The following CNBD1 variants were observed in gnomAD, a reference collection of about 807,000 sequenced individuals.
CNBD1 encodes the protein cyclic nucleotide-binding domain-containing protein 1.
Under a neutral mutation model 54.4 loss-of-function variants are expected in CNBD1, and 71 were observed. That is an observed-to-expected ratio of 1.30 (90% CI 1.08 to 1.59). The LOEUF is 1.59. CNBD1 is among the 40% of genes most tolerant of loss of function. The pLI, the probability that CNBD1 is intolerant of heterozygous loss-of-function variation, is 0.00. For synonymous variants in CNBD1, 182 were observed against 170.7 expected (o/e 1.07, Z -0.51); for missense variants, 659 against 518.0 (o/e 1.27, Z -2.64).
chr8:87,282,495 A>G (rs1808618644), intron 6 of CNBD1, among the ~76,000 whole-genome samples: 1 of 151,760 alleles, frequency 6.6e-6, no homozygotes, highest in South Asian at 2.1e-4. Flanking sequence ...TCAAGTAAAT[A>G]AAGAATTCTG....
intron 8 of CNBD1, among the ~76,000 whole-genome samples, chr8:87,297,119 A>C (rs1311309986): frequency 6.9e-6 from 1 of 145,670 alleles, no homozygotes; most frequent in Non-Finnish European, 1.5e-5. Flanking sequence ...TGGAGCTTGC[A>C]GTGAGCCGAG....
chr8:87,250,774 A>T (rs1807899705), intron 6 of CNBD1, among the ~76,000 whole-genome samples: 1 of 152,296 alleles, frequency 6.6e-6, no homozygotes, highest in African/African-American at 2.4e-5. Context: ...TAAGAAAAAA[A>T]ACTGAACTCA....
chr8:86,881,345 A>G (rs1320204463), intron 1 of CNBD1, among the ~76,000 whole-genome samples: 1 of 152,178 alleles, frequency 6.6e-6, no homozygotes, highest in Non-Finnish European at 1.5e-5. Flanking sequence ...TCAATGTGCA[A>G]AAATTGCTAG....
intron 4 of CNBD1, among the ~76,000 whole-genome samples, chr8:87,023,297 G>C (rs1809528177): frequency 6.6e-6 from 1 of 152,030 alleles, no homozygotes; most frequent in Non-Finnish European, 1.5e-5. Context: ...CAGTTAACAA[G>C]TTAAGAATAA....
chr8:87,134,541 A>G (rs555646762), intron 4 of CNBD1, among the ~76,000 whole-genome samples: 126 of 151,170 alleles, frequency 8.3e-4, no homozygotes, highest in African/African-American at 2.8e-3. Context: ...ATTGTTCAGA[A>G]CTTATTGTAA....
At chr8:87,254,617 GAT>G (rs929732134) in intron 6 of CNBD1, among the ~76,000 whole-genome samples, 11 of 152,134 alleles carry the variant, frequency 7.2e-5, no homozygotes, top group African/African-American at 2.7e-4. Context: ...CTGTAACAAA[GAT>G]ATGGATAATT....
intron 4 of CNBD1, among the ~76,000 whole-genome samples, chr8:87,142,125 A>G (rs1433811822): frequency 1.3e-5 from 2 of 152,154 alleles, no homozygotes; most frequent in African/African-American, 4.8e-5. Context: ...GAAAGTAGAG[A>G]AGAGAGAAAA....
At chr8:87,238,304 A>T (rs1330387030) in intron 6 of CNBD1, among the ~76,000 whole-genome samples, 1 of 152,116 alleles carries the variant, frequency 6.6e-6, no homozygotes, top group East Asian at 1.9e-4. Flanking sequence ...CAAGAAACCA[A>T]TGTGGAAACT....
chr8:87,415,969 A>G (rs147526285), intron 2 of CNBD1, among the ~76,000 whole-genome samples: 1 of 150,612 alleles, frequency 6.6e-6, no homozygotes, highest in Non-Finnish European at 1.5e-5. Flanking sequence ...TAAAAAAATC[A>G]TATGGACATT....
intron 8 of CNBD1, among the ~76,000 whole-genome samples, chr8:87,332,036 C>A (rs975250616): frequency 3.3e-5 from 5 of 152,030 alleles, no homozygotes; most frequent in Non-Finnish European, 7.4e-5. Flanking sequence ...ATGATAGATT[C>A]TTTTGCTGTA....
intron 8 of CNBD1, among the ~76,000 whole-genome samples, chr8:87,301,437 A>G (rs2130882463): frequency 6.6e-6 from 1 of 152,046 alleles, no homozygotes; most frequent in South Asian, 2.1e-4. Context: ...CACAGATGCT[A>G]AAATCCTTAA....
In CNBD1 at chr8:87,217,211, A is replaced by G. The variant is rs557724284; in HGVS notation, c.577+11073A>G. Among the ~76,000 whole-genome samples, 114 of 152,286 alleles carry G rather than the reference A, an allele frequency of 7.5e-4. 1 individual carries two copies. The highest frequency in any genetic ancestry group is 1.1e-3 in the Non-Finnish European group (75 of 67,978). ...ATTTTAAAACTTAGAGCATTGAAAAATGTGATTATATGGCACATTATAAAT... is the reference window on the plus strand; with the variant it reads ...ATTTTAAAACTTAGAGCATTGAAAAGTGTGATTATATGGCACATTATAAAT... On this transcript the variant is annotated intron_variant, in intron 5 of 10. Coordinates refer to ENST00000518476, the MANE Select transcript of CNBD1 (RefSeq NM_173538.3).
At position 87,208,847 on chromosome 8, in the gene CNBD1, G is replaced by A. The variant is rs992430342; in HGVS notation, c.577+2709G>A. 6.8e-4 allele frequency among the ~76,000 whole-genome samples: 104 copies of A among 151,866 alleles called. 1 individual carries two copies. Among genetic ancestry groups the A allele is most frequent in the South Asian group, 2.1e-4 (1 of 4,804 alleles). ...TATGAGATTGTATCTCAAAAACTCCGTAATTCCTCATTTTCATTAAATTGT... is the reference window on the plus strand; with the variant it reads ...TATGAGATTGTATCTCAAAAACTCCATAATTCCTCATTTTCATTAAATTGT... On this transcript the variant is annotated intron_variant, in intron 5 of 10. Coordinates refer to ENST00000518476, the MANE Select transcript of CNBD1 (RefSeq NM_173538.3).
rs1810030456 is a variant in CNBD1, at chr8:87,040,020, A to G, written c.431+100266A>G. 2.0e-5 allele frequency among the ~76,000 whole-genome samples: 3 copies of G among 152,206 alleles called. No homozygotes were observed. The South Asian group carries it at 6.2e-4, about 31-fold the overall frequency. ...AAATACAGGGTCTGCAAAATATCTCAAACACTGATCTTTGGTTCCAAAATA... is the reference window on the plus strand; with the variant it reads ...AAATACAGGGTCTGCAAAATATCTCGAACACTGATCTTTGGTTCCAAAATA... On this transcript the variant is annotated intron_variant, in intron 4 of 10. Transcript: ENST00000518476.
chr8:87,132,433 G>A (rs907335710), intron 4 of CNBD1, among the ~76,000 whole-genome samples: 3 of 150,932 alleles, frequency 2.0e-5, no homozygotes, highest in Non-Finnish European at 4.4e-5. Flanking sequence ...ATAAGACAGA[G>A]AAAAGAAAAA....
At chr8:87,411,878 C>T (rs1807752159) in intron 2 of CNBD1, among the ~76,000 whole-genome samples, 1 of 151,694 alleles carries the variant, frequency 6.6e-6, no homozygotes, top group South Asian at 2.1e-4. Flanking sequence ...GAATAGAAAC[C>T]TAAACAATAT....
In CNBD1 at chr8:86,951,581, C is replaced by CAAAAAAAAAAAAAAAA. The variant is rs71275901; in HGVS notation, c.431+11850_431+11865dup. The stretch of plus-strand genomic sequence containing the variant: ...GGTGACAGAGCGAGGCTCCGTCTCA[C>CAAAAAAAAAAAAAAAA]AAAAAAAAAAAAAAAAAAAAAAAAA... On this transcript the variant is annotated intron_variant, in intron 4 of 10. Coordinates refer to ENST00000518476, the MANE Select transcript of CNBD1 (RefSeq NM_173538.3). Among the ~76,000 whole-genome samples, 261 of 37,356 alleles carry CAAAAAAAAAAAAAAAA rather than the reference C, an allele frequency of 7.0e-3. 91 individuals are homozygous for CAAAAAAAAAAAAAAAA. The highest frequency in any genetic ancestry group is 9.2e-3 in the Admixed American group (18 of 1,958). The allele number at this position is 37,356 out of a possible 152,430, so 24.5% of individuals were successfully genotyped here.
chr8:87,373,869 C>A (rs750138523), intron 10 of CNBD1, among the ~76,000 whole-genome samples: 1 of 151,424 alleles, frequency 6.6e-6, no homozygotes, highest in Non-Finnish European at 1.5e-5. Context: ...TATGCCTGTA[C>A]AAATGTAATT....
chr8:87,246,063 T>G (rs907428078), intron 6 of CNBD1, among the ~76,000 whole-genome samples: 1 of 152,120 alleles, frequency 6.6e-6, no homozygotes. Flanking sequence ...ACTACTGCCT[T>G]AAGCCGATTG....
Sources: allele counts gnomAD v4.1 joint callset (sites outside exome capture counted in the v4.1 genomes callset), GRCh38; gene constraint gnomAD v4.1.1; transcripts MANE v1.5; gene names NCBI Gene and HGNC (gene_info 2026-07-23, HGNC 2026-07-21).